Variants in TTC33 observed in about 807,000 individuals in gnomAD.
TTC33 encodes the protein tetratricopeptide repeat domain 33.
In TTC33, 24 loss-of-function variants were observed where a neutral mutation model predicts 29.4. That is an observed-to-expected ratio of 0.82 (90% CI 0.59 to 1.15). The LOEUF (loss-of-function observed/expected upper bound fraction) is 1.15. TTC33 is among the 50% of genes most tolerant of loss of function. TTC33 has a pLI of 0.00. For synonymous variants in TTC33, 107 were observed against 100.3 expected, an observed-to-expected ratio of 1.07 and a Z score of -0.40; for missense variants, 286 against 310.4, an observed-to-expected ratio of 0.92 and a Z score of 0.59.
At chr5:40,740,337 T>A (rs1261832149) in intron 2 of TTC33, among the ~76,000 whole-genome samples, 1 of 151,918 alleles carries the variant, frequency 6.6e-6, no homozygotes, top group Admixed American at 6.6e-5. Context: ...CCAGGCCTAC[T>A]GGTAATGGGT....
chr5:40,747,731 G>A (rs1742822997), intron 1 of TTC33, among the ~76,000 whole-genome samples: 1 of 151,956 alleles, frequency 6.6e-6, no homozygotes, highest in Admixed American at 6.6e-5. Context: ...GAAAGAACAA[G>A]GTAACCCCTA....
chr5:40,738,318 G>A (rs1277166745), intron 2 of TTC33, among the ~76,000 whole-genome samples: 1 of 151,826 alleles, frequency 6.6e-6, no homozygotes. Context: ...GGAGTGCTGA[G>A]GCAGGAGAAT....
At chr5:40,734,863 A>G (rs886643386) in intron 2 of TTC33, among the ~76,000 whole-genome samples, 2 of 152,230 alleles carry the variant, frequency 1.3e-5, no homozygotes, top group Admixed American at 6.5e-5. Flanking sequence ...GATAACAAAC[A>G]GTTAAAATAT....
chr5:40,722,388 C>G (rs376236965), intron 4 of TTC33, among the ~76,000 whole-genome samples: 4 of 151,194 alleles, frequency 2.6e-5, no homozygotes, highest in African/African-American at 9.7e-5. Context: ...TGTGAGGAGC[C>G]CCTCTGCCCG....
At chr5:40,728,772 A>G (rs575983151) in intron 3 of TTC33, among the ~76,000 whole-genome samples, 2 of 152,314 alleles carry the variant, frequency 1.3e-5, no homozygotes, top group Admixed American at 1.3e-4. Context: ...TGAACTCCCA[A>G]TTCCACTTCC....
At position 40,714,171 on chromosome 5, in the gene TTC33, GA is replaced by G. The variant is rs1741952170; in HGVS notation, c.*1973del. Among the ~76,000 whole-genome samples, 1 of 152,204 alleles carries G rather than the reference GA, an allele frequency of 6.6e-6. No individual in the cohort carries two copies. The highest frequency in any genetic ancestry group is 1.9e-4 in the East Asian group (1 of 5,182). Reference sequence around the variant, plus strand: ...GGACTTGAGCTATAGACCCTGTCAAGAAAAATCCCACTATCTCTCCTATAAT... The same window carrying G: ...GGACTTGAGCTATAGACCCTGTCAAGAAAATCCCACTATCTCTCCTATAAT... On this transcript the variant is annotated 3_prime_UTR_variant, in exon 5 of 5. Transcript: ENST00000337702.
At chr5:40,729,037 T>C (rs1742361080) in intron 3 of TTC33, among the ~76,000 whole-genome samples, 1 of 152,196 alleles carries the variant, frequency 6.6e-6, no homozygotes, top group East Asian at 1.9e-4. Context: ...CACTGTGGTC[T>C]GTGGGAAGAG....
At chr5:40,723,444 A>T (rs13156581) in intron 4 of TTC33, among the ~76,000 whole-genome samples, 1 of 152,188 alleles carries the variant, frequency 6.6e-6, no homozygotes, top group Non-Finnish European at 1.5e-5. Context: ...TACTAAAAAA[A>T]TTTAAAAAAA....
At position 40,727,184 on chromosome 5, in the gene TTC33, C is replaced by CACTGTT. The variant is rs1742306921; in HGVS notation, c.435+1155_435+1160dup. The stretch of plus-strand genomic sequence containing the variant: ...TCAGTCATCCACAATTTACTAAAAC[C>CACTGTT]ACTGTTAGTAAGTTTATATTTTGAA... On this transcript the variant is annotated intron_variant, in intron 4 of 4. Coordinates refer to ENST00000337702, the MANE Select transcript of TTC33 (RefSeq NM_012382.3). 2.0e-5 allele frequency among the ~76,000 whole-genome samples: 3 copies of CACTGTT among 152,076 alleles called. No homozygotes were observed. In the South Asian group the frequency reaches 6.2e-4, roughly 31 times the overall value.
intron 1 of TTC33, among the ~76,000 whole-genome samples, chr5:40,748,532 T>C (rs1261946630): frequency 5.3e-5 from 8 of 152,222 alleles, no homozygotes; most frequent in Admixed American, 5.2e-4. Flanking sequence ...GATAATGGTA[T>C]TGTAATTATG....
chr5:40,720,332 A>G (rs900516937), intron 4 of TTC33, among the ~76,000 whole-genome samples: 2 of 152,154 alleles, frequency 1.3e-5, no homozygotes, highest in African/African-American at 2.4e-5. Context: ...TTGTCTTGAC[A>G]CCCTTGTCCA....
chr5:40,716,288 C>T lies in TTC33; in HGVS notation c.646G>A (p.Ala216Thr), dbSNP rs908769591. The T allele has an allele frequency of 6.2e-7, 1 of 1,614,226 alleles. No individual in the cohort carries two copies. The highest frequency in any genetic ancestry group is 1.3e-5 in the African/African-American group (1 of 75,066). ...FESDEIVAVCAAIAEKEKTVS... is the reference protein window; with the variant it reads ...FESDEIVAVCTAIAEKEKTVS... ...GTCTTCTCTTTCTCAGCAATAGCTG[C>T]ACAAACAGCAACAATCTCATCACTT... Residue 216 changes from alanine to threonine, a missense_variant, in exon 5 of 5, where the codon GCA (alanine) becomes ACA (threonine). Ala to Thr is a moderately conservative substitution (Grantham distance 58). Transcript: ENST00000337702.
intron 1 of TTC33, among the ~76,000 whole-genome samples, chr5:40,750,350 G>C (rs1742873129): frequency 6.6e-6 from 1 of 152,024 alleles, no homozygotes; most frequent in Non-Finnish European, 1.5e-5. Flanking sequence ...CAGGTAGAGG[G>C]CTTGAGCCCA....
intron 2 of TTC33, among the ~76,000 whole-genome samples, chr5:40,744,141 A>T (rs1742748456): frequency 6.6e-6 from 1 of 152,242 alleles, no homozygotes; most frequent in South Asian, 2.1e-4. Context: ...TTCATAAATG[A>T]GGAGAATTTA....
chr5:40,742,199 T>G (rs1000106105), intron 2 of TTC33, among the ~76,000 whole-genome samples: 1 of 152,160 alleles, frequency 6.6e-6, no homozygotes, highest in African/African-American at 2.4e-5. Flanking sequence ...AATCCATGCC[T>G]ACTTTTTAAA....
chr5:40,723,174 C>A (rs1742190910), intron 4 of TTC33, among the ~76,000 whole-genome samples: 1 of 152,080 alleles, frequency 6.6e-6, no homozygotes, highest in Non-Finnish European at 1.5e-5. Context: ...TGTGTCCACT[C>A]AGGGTTAAAT....
chr5:40,723,652 AC>A lies in TTC33; in HGVS notation c.435+4692del, dbSNP rs919600055. Among the ~76,000 whole-genome samples, 31 of 152,122 alleles carry A rather than the reference AC, an allele frequency of 2.0e-4. 1 individual carries two copies. Among genetic ancestry groups the A allele is most frequent in the Non-Finnish European group, 8.8e-5 (6 of 68,014 alleles). ...GGCCATGGTGGGCGGATCACCTGAG[AC>A]CAGGAGTTCAAGACCAGCCTGGCCA... On this transcript the variant is annotated intron_variant, in intron 4 of 4. Transcript: ENST00000337702.
chr5:40,717,934 C>T (rs770881279), intron 4 of TTC33, among the ~76,000 whole-genome samples: 37 of 151,858 alleles, frequency 2.4e-4, no homozygotes, highest in Admixed American at 7.2e-4. Context: ...TGGTGGTGCA[C>T]GCCTGTAATC....
chr5:40,732,736 G>A (rs1392967808), intron 2 of TTC33, among the ~76,000 whole-genome samples: 1 of 151,962 alleles, frequency 6.6e-6, no homozygotes, highest in Non-Finnish European at 1.5e-5. Flanking sequence ...AGCCCCCCGA[G>A]TGGCTGGGAC....
Sources: allele counts gnomAD v4.1 joint callset (sites outside exome capture counted in the v4.1 genomes callset), GRCh38; gene constraint gnomAD v4.1.1; transcripts MANE v1.5; gene names NCBI Gene and HGNC (gene_info 2026-07-23, HGNC 2026-07-21).